CTNNA3: variants seen among roughly 807,000 people sequenced by gnomAD.
The protein encoded by CTNNA3 is catenin alpha 3, also known as catenin alpha-3.
Under a neutral mutation model 95.7 loss-of-function variants are expected in CTNNA3, and 76 were observed. The ratio of observed to expected loss-of-function variants is 0.79; its 90% confidence interval spans 0.66 to 0.96. The LOEUF is 0.96. Ranked by LOEUF, CTNNA3 falls within the 40% of genes least tolerant of loss-of-function variation. The pLI is 0.00. For missense variants in CTNNA3, 1,191 were observed against 1,089.8 expected (o/e 1.09, Z -1.31); for synonymous variants, 431 against 374.4 (o/e 1.15, Z -1.74).
intron 7 of CTNNA3, among the ~76,000 whole-genome samples, chr10:67,175,943 A>G (rs1215866202): frequency 2.6e-5 from 4 of 152,168 alleles, no homozygotes; most frequent in African/African-American, 9.6e-5. Flanking sequence ...CCCATTTATA[A>G]AAAAATTCCT....
chr10:67,668,828 GTTTCT>G (rs1840376961), intron 1 of CTNNA3, among the ~76,000 whole-genome samples: 1 of 131,252 alleles, frequency 7.6e-6, no homozygotes, highest in African/African-American at 2.8e-5. Flanking sequence ...GGCCTACTGT[GTTTCT>G]TTTTTTTTTT....
chr10:66,284,446 G>GTTTT (rs2091550646), intron 12 of CTNNA3, among the ~76,000 whole-genome samples: 1 of 151,984 alleles, frequency 6.6e-6, no homozygotes, highest in African/African-American at 2.4e-5. Flanking sequence ...GATAAGTAAA[G>GTTTT]TCCATGGGGT....
chr10:66,644,550 TTTA>T (rs1256599670), intron 9 of CTNNA3, among the ~76,000 whole-genome samples: 1 of 151,196 alleles, frequency 6.6e-6, no homozygotes, highest in Non-Finnish European at 1.5e-5. Flanking sequence ...AGTTGGGTTC[TTTA>T]TTGAGATAAT....
intron 7 of CTNNA3, among the ~76,000 whole-genome samples, chr10:66,787,019 G>A (rs908976433): frequency 6.6e-6 from 1 of 152,170 alleles, no homozygotes; most frequent in African/African-American, 2.4e-5. Context: ...TATTCAAAGT[G>A]ATATTCCTAA....
chr10:66,174,986 T>C (rs1274570327), intron 13 of CTNNA3, among the ~76,000 whole-genome samples: 1 of 152,082 alleles, frequency 6.6e-6, no homozygotes, highest in African/African-American at 2.4e-5. Flanking sequence ...AGATAAAATA[T>C]ATGTAAATGA....
At chr10:66,293,982 G>GA (rs1443345600) in intron 12 of CTNNA3, among the ~76,000 whole-genome samples, 1 of 151,734 alleles carries the variant, frequency 6.6e-6, no homozygotes, top group Non-Finnish European at 1.5e-5. Context: ...TTCTTGACAA[G>GA]AAAAAAATCA....
intron 11 of CTNNA3, among the ~76,000 whole-genome samples, chr10:66,423,218 T>A (rs2093211085): frequency 1.3e-5 from 2 of 152,168 alleles, no homozygotes; most frequent in Non-Finnish European, 2.9e-5. Flanking sequence ...GCTTTGTTTT[T>A]CATGATTTCC....
At chr10:67,470,500 A>G (rs1216917703) in intron 5 of CTNNA3, among the ~76,000 whole-genome samples, 1 of 152,194 alleles carries the variant, frequency 6.6e-6, no homozygotes, top group East Asian at 1.9e-4. Context: ...TTTTAGGTAA[A>G]TACGTTACTG....
chr10:67,552,707 C>T (rs934378365), intron 3 of CTNNA3, among the ~76,000 whole-genome samples: 15 of 152,042 alleles, frequency 9.9e-5, no homozygotes, highest in Admixed American at 2.6e-4. Flanking sequence ...GTGTTGTTCC[C>T]GCCTTGTGCC....
At chr10:66,465,505 C>A (rs1044650568) in intron 11 of CTNNA3, among the ~76,000 whole-genome samples, 1 of 152,126 alleles carries the variant, frequency 6.6e-6, no homozygotes, top group South Asian at 2.1e-4. Context: ...CTGGTTAAGA[C>A]CTGCACTGAA....
intron 1 of CTNNA3, among the ~76,000 whole-genome samples, chr10:67,726,112 TATA>T (rs1841211639): frequency 8.6e-6 from 1 of 116,380 alleles, no homozygotes; most frequent in African/African-American, 3.4e-5. Context: ...TATAAGATTA[TATA>T]TTATTATATT....
At chr10:67,373,531 C>T (rs1843566207) in intron 5 of CTNNA3, among the ~76,000 whole-genome samples, 1 of 152,128 alleles carries the variant, frequency 6.6e-6, no homozygotes, top group Admixed American at 6.5e-5. Context: ...TAATGGGAGA[C>T]TTTAACACCC....
rs377262273 is a variant in CTNNA3, at chr10:66,116,513, GTATGCCCATTTAATGAAA to G, written c.1885-13282_1885-13265del. 2.4e-3 allele frequency among the ~76,000 whole-genome samples: 359 copies of G among 152,148 alleles called. 1 individual carries two copies. Among genetic ancestry groups the G allele is most frequent in the African/African-American group, 8.3e-3 (343 of 41,518 alleles). ...CAACAGATGAATTATTTAACAAATGGTATGCCCATTTAATGAAATATGATTCAGTAATAAAAAGGAATA... is the reference window on the plus strand; with the variant it reads ...CAACAGATGAATTATTTAACAAATGGTATGATTCAGTAATAAAAAGGAATA... On this transcript the variant is annotated intron_variant, in intron 13 of 17. Coordinates refer to ENST00000433211, the MANE Select transcript of CTNNA3 (RefSeq NM_013266.4).
At chr10:67,592,984 A>T (rs1365658949) in intron 3 of CTNNA3, among the ~76,000 whole-genome samples, 1 of 152,136 alleles carries the variant, frequency 6.6e-6, no homozygotes, top group East Asian at 1.9e-4. Flanking sequence ...TCCACCTTTA[A>T]GTAGGCCCCA....
chr10:67,109,366 C>T (rs902299563), intron 7 of CTNNA3, among the ~76,000 whole-genome samples: 9 of 152,146 alleles, frequency 5.9e-5, no homozygotes, highest in Non-Finnish European at 1.3e-4. Context: ...ATAAGTATTT[C>T]TTTCCTTAGC....
At chr10:66,394,845 G>C (rs778246978) in intron 11 of CTNNA3, among the ~76,000 whole-genome samples, 2 of 151,954 alleles carry the variant, frequency 1.3e-5, no homozygotes, top group African/African-American at 4.8e-5. Context: ...GCAAATCCCA[G>C]TACTGTTTAA....
chr10:67,349,175 C>A (rs1046524747), intron 5 of CTNNA3, among the ~76,000 whole-genome samples: 1 of 152,080 alleles, frequency 6.6e-6, no homozygotes, highest in African/African-American at 2.4e-5. Context: ...AATAGAACTA[C>A]CATATGATTC....
At chr10:66,197,832 A>C (rs2131903006) in intron 13 of CTNNA3, among the ~76,000 whole-genome samples, 1 of 152,306 alleles carries the variant, frequency 6.6e-6, no homozygotes, top group East Asian at 1.9e-4. Flanking sequence ...GTAAGCCTCC[A>C]GGCTTAAGGT....
intron 11 of CTNNA3, among the ~76,000 whole-genome samples, chr10:66,436,516 T>C (rs896534271): frequency 7.2e-6 from 1 of 139,114 alleles, no homozygotes; most frequent in African/African-American, 2.9e-5. Context: ...TTTTTTTTTT[T>C]TTTTTTTTTT....
Sources: allele counts gnomAD v4.1 joint callset (sites outside exome capture counted in the v4.1 genomes callset), GRCh38; gene constraint gnomAD v4.1.1; transcripts MANE v1.5; gene names NCBI Gene and HGNC (gene_info 2026-07-23, HGNC 2026-07-21).